The following SIX4 variants were observed in gnomAD, a reference collection of about 807,000 sequenced individuals.
The protein encoded by SIX4 is homeobox protein SIX4.
In SIX4, 23 loss-of-function variants were observed where a neutral mutation model predicts 51.5. The ratio of observed to expected loss-of-function variants is 0.45; its 90% confidence interval spans 0.32 to 0.63. The LOEUF is 0.63. Ranked by LOEUF, SIX4 falls within the 30% of genes least tolerant of loss-of-function variation. The pLI is 0.04. For missense variants in SIX4, 867 were observed against 984.0 expected, an observed-to-expected ratio of 0.88 and a Z score of 1.59; for synonymous variants, 413 against 417.3, an observed-to-expected ratio of 0.99 and a Z score of 0.13.
chr14:60,723,721 C>T lies in SIX4; in HGVS notation c.354G>A (p.Glu118=). The T allele has an allele frequency of 6.5e-7, 1 of 1,550,378 alleles. No homozygotes were observed. Among genetic ancestry groups the T allele is most frequent in the Non-Finnish European group, 8.7e-7 (1 of 1,149,678 alleles). The change falls in exon 1 of 3, where the codon GAG becomes GAA. Residue 118 remains glutamate (E), a synonymous_variant. Coordinates refer to ENST00000216513, the MANE Select transcript of SIX4 (RefSeq NM_017420.5). The part of the protein sequence containing the change: ...FSPDHVACVC[E]ALQQGGNLDR... ...CCAGGTTGCCCCCCTGCTGCAGTGC[C>T]TCGCACACGCAGGCGACGTGGTCGG...
rs761905474 is a variant in SIX4, at chr14:60,724,096, CCTCCCTCA to C, written c.-30_-23del. ...ACATTTTTTGTTGTTTATTTTCCTC[CCTCCCTCA>C]CTCCCTCGCACTCTTTTCCTCTTTC... On this transcript the variant is annotated 5_prime_UTR_variant, in exon 1 of 3. Coordinates refer to ENST00000216513, the MANE Select transcript of SIX4 (RefSeq NM_017420.5). 2.9e-5 allele frequency: 45 copies of C among 1,565,594 alleles called. No individual in the cohort carries two copies. Among genetic ancestry groups the C allele is most frequent in the Non-Finnish European group, 3.6e-5 (42 of 1,154,362 alleles).
Position 60,719,832 on chromosome 14 carries a change from T to C in SIX4, c.1477A>G (p.Ser493Gly), listed in dbSNP as rs1168962315. ...CCAATGCTCCCATTAAGGAACTGGC[T>C]GTTTGCTCCGGAATTGGGGATCTGG... ...IVQIPNSGAN[S>G]QFLNGSIGFS... is the part of the protein sequence containing the mutation. Residue 493 changes from serine (S) to glycine (G), a missense_variant, in exon 2 of 3, where the codon AGC becomes GGC. By Grantham distance (56) the Ser-to-Gly change is moderately conservative. Coordinates refer to ENST00000216513, the MANE Select transcript of SIX4 (RefSeq NM_017420.5). This position sits in a 1 kb window ranked among gnomAD's most constrained non-coding sequence, Gnocchi z 4.9. The C allele has an allele frequency of 3.7e-6, 6 of 1,614,128 alleles. No homozygotes were observed. The highest frequency in any genetic ancestry group is 5.1e-6 in the Non-Finnish European group (6 of 1,180,060).
chr14:60,720,799 GA>G lies in SIX4; in HGVS notation c.864-355del, dbSNP rs1337132357. ...TACATATGCTGCTACTGACACCATA[GA>G]AAAAAACACCTTAAATGAGGTGGTC... On this transcript the variant is annotated intron_variant, in intron 1 of 2. Transcript: ENST00000216513. The surrounding 1 kb of genome is among the most constrained non-coding windows in gnomAD (Gnocchi z 5.5). 6.6e-6 allele frequency among the ~76,000 whole-genome samples: 1 copy of G among 152,084 alleles called. No homozygotes were observed. The highest frequency in any genetic ancestry group is 2.1e-4 in the South Asian group (1 of 4,820).
rs770646960 is a variant in SIX4 at position 60,723,832 on chromosome 14, CGCCGCCGCTCCG to C, written c.231_242del (p.Gly78_Ala81del). 18 of 1,520,388 alleles carry C rather than the reference CGCCGCCGCTCCG, an allele frequency of 1.2e-5. No individual in the cohort carries two copies. The Admixed American group carries it at 2.0e-4, about 17-fold the overall frequency. 94.2% of individuals were successfully genotyped at this position (1,520,388 alleles called of 1,614,324 possible). On this transcript the variant is annotated inframe_deletion, in exon 1 of 3. Coordinates refer to ENST00000216513, the MANE Select transcript of SIX4 (RefSeq NM_017420.5). ...GTTCCGAGTGGAGTTGTACCTGATC[CGCCGCCGCTCCG>C]GCCGCCGCCGCCGCCACTGCCCCTT...
At chr14:60,723,112 G>A (rs1299788894) in intron 1 of SIX4, 100 bp downstream of exon 1, 4 of 1,437,582 alleles carry the variant, frequency 2.8e-6, no homozygotes, top group Non-Finnish European at 3.6e-6. Flanking sequence ...CCAGGCTGGT[G>A]GGGAAGGTAA....
Position 60,717,353 on chromosome 14 carries a change from G to A in SIX4, c.1549+2407C>T, listed in dbSNP as rs780467473. ...TCCTAAAGTGCTGGGATTAACAGGC[G>A]TAAGCCACTGTGCCCGGCGTCTTTA... On this transcript the variant is annotated intron_variant, in intron 2 of 2. Coordinates refer to ENST00000216513, the MANE Select transcript of SIX4 (RefSeq NM_017420.5). The surrounding 1 kb of genome is among the most constrained non-coding windows in gnomAD (Gnocchi z 4.6). Among the ~76,000 whole-genome samples the A allele has an allele frequency of 7.9e-5, 12 of 152,172 alleles. No individual in the cohort carries two copies. The highest frequency in any genetic ancestry group is 1.0e-4 in the Non-Finnish European group (7 of 68,030).
chr14:60,722,492 C>T lies in SIX4; in HGVS notation c.863+720G>A, dbSNP rs1896040766. 6.6e-6 allele frequency among the ~76,000 whole-genome samples: 1 copy of T among 152,174 alleles called. No homozygotes were observed. The highest frequency in any genetic ancestry group is 2.4e-5 in the African/African-American group (1 of 41,448). On this transcript the variant is annotated intron_variant, in intron 1 of 2. Transcript: ENST00000216513. The surrounding 1 kb of genome is among the most constrained non-coding windows in gnomAD (Gnocchi z 5.9). ...TACCCCGGCTGCGCTGAAACCCGAT[C>T]CTAAGGAGTTCAGAATCAGGTTTCA...
At chr14:60,716,251 T>TA (rs987698370) in intron 2 of SIX4, among the ~76,000 whole-genome samples, 12 of 150,176 alleles carry the variant, frequency 8.0e-5, no homozygotes, top group South Asian at 2.1e-4. Flanking sequence ...CCAGCTAATT[T>TA]AAAAAAAAAA....
rs1283339075 is a variant in SIX4, at chr14:60,709,571, G to A, written c.*3836C>T. 2 of 152,568 alleles carry A rather than the reference G, an allele frequency of 1.3e-5. No homozygotes were observed. Among genetic ancestry groups the A allele is most frequent in the African/African-American group, 4.8e-5 (2 of 41,430 alleles). The allele number at this position is 152,568 out of a possible 1,614,324, so 9.5% of individuals were successfully genotyped here. ...AAATATAAAGTTTATTTAGCATAGT[G>A]TTTAGAAAAATAAGTTCACATCATT... On this transcript the variant is annotated 3_prime_UTR_variant, in exon 3 of 3. Transcript: ENST00000216513. The surrounding 1 kb of genome is among the most constrained non-coding windows in gnomAD (Gnocchi z 4.1).
rs1213002360 is a variant in SIX4 at position 60,709,668 on chromosome 14, T to C, written c.*3739A>G. The C allele has an allele frequency of 6.6e-6, 1 of 152,634 alleles. No homozygotes were observed. The highest frequency in any genetic ancestry group is 1.5e-5 in the Non-Finnish European group (1 of 68,034). 9.5% of individuals were successfully genotyped at this position (152,634 alleles called of 1,614,324 possible). A position where few individuals can be genotyped will look rare whatever the true frequency, so the allele number is the denominator to read the frequency against. Reference sequence around the variant, plus strand: ...TACAGTACGACATACATACTTCAGATCTCTTTGGTTGGGTAATTAAGCACA... The same window carrying C: ...TACAGTACGACATACATACTTCAGACCTCTTTGGTTGGGTAATTAAGCACA... On this transcript the variant is annotated 3_prime_UTR_variant, in exon 3 of 3. Coordinates refer to ENST00000216513, the MANE Select transcript of SIX4 (RefSeq NM_017420.5). The surrounding 1 kb of genome is among the most constrained non-coding windows in gnomAD (Gnocchi z 4.1).
chr14:60,717,538 T>C lies in SIX4; in HGVS notation c.1549+2222A>G, dbSNP rs1438226744. Reference sequence around the variant, plus strand: ...AAATAGCATAATACATGCAACATTTTCCCCAACTGCTACTGAATATAAATA... The same window carrying C: ...AAATAGCATAATACATGCAACATTTCCCCCAACTGCTACTGAATATAAATA... On this transcript the variant is annotated intron_variant, in intron 2 of 2. Transcript: ENST00000216513. The surrounding 1 kb of genome is among the most constrained non-coding windows in gnomAD (Gnocchi z 4.6). Among the ~76,000 whole-genome samples, 1 of 152,218 alleles carries C rather than the reference T, an allele frequency of 6.6e-6. No homozygotes were observed. Among genetic ancestry groups the C allele is most frequent in the African/African-American group, 2.4e-5 (1 of 41,458 alleles).
chr14:60,719,972 C>A lies in SIX4; in HGVS notation c.1337G>T (p.Gly446Val). ...TTTCACCTCAGTGCTGGGTATCAGG[C>A]CTGGGAATGAGACAGGGACACTGGG... ...YSPSVPVSFPGLIPSTEVKRE... is the reference protein window; with the variant it reads ...YSPSVPVSFPVLIPSTEVKRE... Residue 446 changes from glycine to valine, a missense_variant, in exon 2 of 3, where the codon GGC (glycine) becomes GTC (valine). Transcript: ENST00000216513. The surrounding 1 kb of genome is among the most constrained non-coding windows in gnomAD (Gnocchi z 4.9). The A allele has an allele frequency of 6.2e-7, 1 of 1,614,118 alleles. No individual in the cohort carries two copies. The highest frequency in any genetic ancestry group is 8.5e-7 in the Non-Finnish European group (1 of 1,180,028).
At chr14:60,716,166 G>C (rs1307501421) in intron 2 of SIX4, among the ~76,000 whole-genome samples, 1 of 151,206 alleles carries the variant, frequency 6.6e-6, no homozygotes, top group Non-Finnish European at 1.5e-5. Context: ...CTGCAGCCTC[G>C]ATCTCCTGGG....
At chr14:60,715,298 A>G (rs1895903829) in intron 2 of SIX4, among the ~76,000 whole-genome samples, 1 of 152,248 alleles carries the variant, frequency 6.6e-6, no homozygotes, top group Non-Finnish European at 1.5e-5. Context: ...AGTAACTGAC[A>G]TAAAATATAA....
At chr14:60,714,354 G>T in intron 2 of SIX4, 151 bp from the exon 3 acceptor site, 1 of 650,562 alleles carries the variant, frequency 1.5e-6, no homozygotes. Context: ...AATTACCTTG[G>T]GCACCTAAAA....
chr14:60,721,399 C>A (rs1297087068), intron 1 of SIX4, among the ~76,000 whole-genome samples: 1 of 152,174 alleles, frequency 6.6e-6, no homozygotes, highest in Non-Finnish European at 1.5e-5. Flanking sequence ...GCAGAGGATC[C>A]GACATCCCCG....
Position 60,723,413 on chromosome 14 carries a change from C to A in SIX4, c.662G>T (p.Trp221Leu). The A allele has an allele frequency of 6.2e-7, 1 of 1,611,528 alleles. No individual in the cohort carries two copies. Among genetic ancestry groups the A allele is most frequent in the Non-Finnish European group, 8.5e-7 (1 of 1,179,960 alleles). The change falls in exon 1 of 3, where the codon TGG becomes TTG. Residue 221 changes from tryptophan to leucine, a missense_variant. Coordinates refer to ENST00000216513, the MANE Select transcript of SIX4 (RefSeq NM_017420.5). ...ACAATACACCGTCTCCTCGCCGTCCCAGATGGTGCGGGGCAGGGGGAATTT... is the reference window on the plus strand; with the variant it reads ...ACAATACACCGTCTCCTCGCCGTCCAAGATGGTGCGGGGCAGGGGGAATTT... The part of the protein sequence containing the change: ...RRKFPLPRTI[W>L]DGEETVYCFK...
At position 60,710,995 on chromosome 14, in the gene SIX4, T is replaced by C. The variant is rs1203523179; in HGVS notation, c.*2412A>G. 2 of 114,996 alleles carry C rather than the reference T, an allele frequency of 1.7e-5. No individual in the cohort carries two copies. Among genetic ancestry groups the C allele is most frequent in the African/African-American group, 5.9e-5 (2 of 34,128 alleles). 7.1% of individuals were successfully genotyped at this position (114,996 alleles called of 1,614,324 possible). On this transcript the variant is annotated 3_prime_UTR_variant, in exon 3 of 3. Coordinates refer to ENST00000216513, the MANE Select transcript of SIX4 (RefSeq NM_017420.5). ...AGGCTTATTGTATTTTCGGAAAACATATAAAACATTTCCAGTTATATATAT... is the reference window on the plus strand; with the variant it reads ...AGGCTTATTGTATTTTCGGAAAACACATAAAACATTTCCAGTTATATATAT...
rs976699487 is a variant in SIX4, at chr14:60,711,438, A to T, written c.*1969T>A. On this transcript the variant is annotated 3_prime_UTR_variant, in exon 3 of 3. Transcript: ENST00000216513. The stretch of plus-strand genomic sequence containing the variant: ...CTATGTCCCTTATTCAACATGCTTG[A>T]TTGATTGACATGTAGAGAACTAGAG... The T allele has an allele frequency of 6.6e-6, 1 of 152,120 alleles. No homozygotes were observed. Among genetic ancestry groups the T allele is most frequent in the African/African-American group, 2.4e-5 (1 of 41,412 alleles). 9.4% of individuals were successfully genotyped at this position (152,120 alleles called of 1,614,324 possible).
Sources: allele counts gnomAD v4.1 joint callset (sites outside exome capture counted in the v4.1 genomes callset), GRCh38; gene constraint gnomAD v4.1.1; non-coding constraint Gnocchi (gnomAD v3.1); transcripts MANE v1.5; gene names NCBI Gene and HGNC (gene_info 2026-07-23, HGNC 2026-07-21).